The following FAM13B variants were observed in gnomAD, a reference collection of about 807,000 sequenced individuals.
FAM13B encodes protein FAM13B.
A neutral mutation model predicts 117.3 loss-of-function variants in FAM13B; 60 were observed. The observed-to-expected ratio is 0.51, with a 90% CI of 0.42 to 0.63. The LOEUF is 0.63. Among genes scored for constraint, FAM13B ranks in the 30% least tolerant of loss-of-function variants. FAM13B has a pLI of 0.00. For missense variants in FAM13B, 972 were observed against 1,091.9 expected (o/e 0.89, Z 1.55); for synonymous variants, 332 against 356.1 (o/e 0.93, Z 0.76).
Position 137,945,910 on chromosome 5 carries a change from G to A in FAM13B, c.2332C>T (p.Pro778Ser), listed in dbSNP as rs755112177. 1 of 1,610,092 alleles carries A rather than the reference G, an allele frequency of 6.2e-7. No individual in the cohort carries two copies. The highest frequency in any genetic ancestry group is 8.5e-7 in the Non-Finnish European group (1 of 1,177,078). The change falls in exon 20 of 24, where the codon CCT becomes TCT. Residue 778 changes from proline to serine, a missense_variant. Coordinates refer to ENST00000689681, the MANE Select transcript of FAM13B (RefSeq NM_001385994.1). ...TTGCTTATTTTACTTACAAGGACAG[G>A]AGTGATGCTAGCTCTTGTCAGCATT... Reference protein sequence around the residue: ...KQMLTRASITPVLGSPSTKRR... With the variant: ...KQMLTRASITSVLGSPSTKRR...
chr5:138,007,304 T>C (rs986149680), intron 6 of FAM13B, among the ~76,000 whole-genome samples, 157 bp from the exon 7 acceptor site: 1 of 152,216 alleles, frequency 6.6e-6, no homozygotes, highest in African/African-American at 2.4e-5. Context: ...ACTGTCAACT[T>C]TTTCATATCA....
At chr5:137,961,331 A>G (rs1287489243) in intron 11 of FAM13B, among the ~76,000 whole-genome samples, 2 of 152,104 alleles carry the variant, frequency 1.3e-5, no homozygotes, top group Non-Finnish European at 2.9e-5. Flanking sequence ...AACAACAACA[A>G]CAACAACAAC....
In FAM13B at chr5:138,021,094, A is replaced by T; in HGVS notation, c.-99T>A. The T allele has an allele frequency of 4.9e-6, 6 of 1,231,714 alleles. No homozygotes were observed. The highest frequency in any genetic ancestry group is 6.1e-6 in the Non-Finnish European group (6 of 987,952). The allele number at this position is 1,231,714 out of a possible 1,614,324, so 76.3% of individuals were successfully genotyped here. The stretch of plus-strand genomic sequence containing the variant: ...CTGCACCAGCTACCCTCACTGAGCA[A>T]GCATTCTTTTGTCATTTATGGCTGT... On this transcript the variant is annotated 5_prime_UTR_variant, in exon 2 of 24. In the 5' UTR this introduces an upstream ATG that the reference lacks. Coordinates refer to ENST00000689681, the MANE Select transcript of FAM13B (RefSeq NM_001385994.1).
chr5:138,001,890 T>G (rs1440352693), intron 7 of FAM13B, among the ~76,000 whole-genome samples: 1 of 152,060 alleles, frequency 6.6e-6, no homozygotes, highest in Non-Finnish European at 1.5e-5. Flanking sequence ...AATTTTGTTA[T>G]GGCCAAAGGA....
intron 1 of FAM13B, among the ~76,000 whole-genome samples, chr5:138,049,827 T>A (rs572649433): frequency 2.0e-5 from 3 of 152,262 alleles, no homozygotes; most frequent in East Asian, 1.9e-4. Context: ...GAATATCTAA[T>A]AAAATCCGAC....
intron 7 of FAM13B, among the ~76,000 whole-genome samples, chr5:137,998,195 T>G (rs1166082664): frequency 1.3e-5 from 2 of 152,230 alleles, no homozygotes; most frequent in Non-Finnish European, 2.9e-5. Context: ...AAACTTAAAA[T>G]TGTTGTTTAA....
At chr5:137,969,319 C>T (rs546191477) in intron 10 of FAM13B, among the ~76,000 whole-genome samples, 37 of 152,336 alleles carry the variant, frequency 2.4e-4, no homozygotes, top group East Asian at 7.7e-4. Flanking sequence ...CCCCAAGCAG[C>T]CTAACTGGGA....
At chr5:137,975,059 T>C (rs1165728951) in intron 10 of FAM13B, among the ~76,000 whole-genome samples, 2 of 152,226 alleles carry the variant, frequency 1.3e-5, no homozygotes, top group Admixed American at 1.3e-4. Context: ...TGGCAGAGAC[T>C]ATATACCCAC....
Position 137,953,480 on chromosome 5 carries a change from A to C in FAM13B, c.1719-15T>G. On this transcript the variant is annotated splice_polypyrimidine_tract_variant and intron_variant, in intron 15 of 23. Transcript: ENST00000689681. ...ATCTTCGAATTCTGAATTAAAACAA[A>C]AGGCCAACACTGTTAAATTTTCAAG... The C allele has an allele frequency of 6.2e-7, 1 of 1,612,956 alleles. No homozygotes were observed. Among genetic ancestry groups the C allele is most frequent in the Non-Finnish European group, 8.5e-7 (1 of 1,179,718 alleles).
At chr5:137,987,835 T>G (rs1283124442) in intron 8 of FAM13B, among the ~76,000 whole-genome samples, 1 of 152,158 alleles carries the variant, frequency 6.6e-6, no homozygotes, top group African/African-American at 2.4e-5. Context: ...TCAACCATAA[T>G]GTCACTATTA....
intron 7 of FAM13B, among the ~76,000 whole-genome samples, chr5:137,993,943 G>T (rs1779253964): frequency 6.6e-6 from 1 of 152,116 alleles, no homozygotes; most frequent in Admixed American, 6.5e-5. Flanking sequence ...GTAAGTTTGA[G>T]AAACACTGGC....
chr5:138,003,365 G>A (rs956911223), intron 7 of FAM13B, among the ~76,000 whole-genome samples: 3 of 152,120 alleles, frequency 2.0e-5, no homozygotes, highest in Non-Finnish European at 4.4e-5. Context: ...CTCATGACAT[G>A]TAAAGGGTTT....
chr5:138,042,434 A>C (rs1458217897), intron 1 of FAM13B, among the ~76,000 whole-genome samples: 1 of 152,170 alleles, frequency 6.6e-6, no homozygotes, highest in Admixed American at 6.5e-5. Context: ...ATATATGTTC[A>C]CCTAGGGACA....
chr5:137,983,185 A>AC (rs1776274330), intron 10 of FAM13B, among the ~76,000 whole-genome samples: 1 of 6,740 alleles, frequency 1.5e-4, no homozygotes, highest in Non-Finnish European at 4.7e-4. Context: ...GTAAAAAAAA[A>AC]AAAAAAAAAA....
rs764469373 is a variant in FAM13B, at chr5:137,987,479, C to A, written c.1028G>T (p.Gly343Val). 5.6e-6 allele frequency: 9 copies of A among 1,610,670 alleles called. No individual in the cohort carries two copies. Among genetic ancestry groups the A allele is most frequent in the Non-Finnish European group, 7.6e-6 (9 of 1,178,552 alleles). ...TTCTTACTGGTTATTAGATCCTTCC[C>A]CATCACAATGAATACTTTCTGCTTC... ...NNEAESIHCDGEGSNNQIDIA... is the reference protein window; with the variant it reads ...NNEAESIHCDVEGSNNQIDIA... Residue 343 changes from glycine (G) to valine (V), a missense_variant, in exon 9 of 24, where the codon GGG becomes GTG. Transcript: ENST00000689681.
At chr5:138,028,494 GA>G (rs147227797) in intron 1 of FAM13B, among the ~76,000 whole-genome samples, 3,545 of 149,576 alleles carry the variant, frequency 0.024, 121 homozygotes, top group African/African-American at 0.082. Flanking sequence ...TATAAAAACT[GA>G]AAAAAAAAGG....
At chr5:137,966,488 T>TATATATAGAGAGAGAGAGAGAGAGAGAG (rs1461425784) in intron 10 of FAM13B, among the ~76,000 whole-genome samples, 1 of 29,486 alleles carries the variant, frequency 3.4e-5, no homozygotes, top group Non-Finnish European at 6.1e-5. Context: ...TATATATATA[T>TATATATAGAGAGAGAGAGAGAGAGAGAG]AGAGAGAGAG....
chr5:138,028,878 G>A (rs1789144825), intron 1 of FAM13B, among the ~76,000 whole-genome samples: 1 of 152,190 alleles, frequency 6.6e-6, no homozygotes, highest in African/African-American at 2.4e-5. Context: ...AATTAGCCAG[G>A]CATGGTGGCA....
chr5:138,035,133 C>A (rs1334660337), upstream of FAM13B, among the ~76,000 whole-genome samples: 1 of 149,214 alleles, frequency 6.7e-6, no homozygotes, highest in African/African-American at 2.5e-5. Flanking sequence ...CTACCCTAGT[C>A]TCCTGAGTAG....
Sources: allele counts gnomAD v4.1 joint callset (sites outside exome capture counted in the v4.1 genomes callset), GRCh38; gene constraint gnomAD v4.1.1; transcripts MANE v1.5; gene names NCBI Gene and HGNC (gene_info 2026-07-23, HGNC 2026-07-21).